HYDIN: variants seen among roughly 807,000 people sequenced by gnomAD.
HYDIN encodes axonemal central pair apparatus protein HYDIN.
In HYDIN, 132 loss-of-function variants were observed where a neutral mutation model predicts 403.9. The ratio of observed to expected loss-of-function variants is 0.33; its 90% CI spans 0.28 to 0.38. The LOEUF is 0.38. Ranked by LOEUF, HYDIN falls within the 10% of genes least tolerant of loss-of-function variation. HYDIN has a pLI of 1.00. For synonymous variants in HYDIN, 1,202 were observed against 1,891.7 expected, an observed-to-expected ratio of 0.64 and a Z score of 9.46; for missense variants, 2,827 against 5,009.5, an observed-to-expected ratio of 0.56 and a Z score of 13.15.
chr16:70,834,890 G>GTGTGTA (rs1555539424), intron 78 of HYDIN, among the ~76,000 whole-genome samples: 9 of 143,452 alleles, frequency 6.3e-5, no homozygotes, highest in African/African-American at 2.4e-4. Flanking sequence ...GTGTGTGTGT[G>GTGTGTA]TATATATATA....
intron 41 of HYDIN, among the ~76,000 whole-genome samples, chr16:70,944,385 A>G (rs1395908804): frequency 1.3e-5 from 2 of 152,256 alleles, no homozygotes; most frequent in African/African-American, 4.8e-5. Context: ...TAGGAAGGAA[A>G]TAACCAGGTA....
chr16:71,176,864 G>C (rs2086688634), intron 4 of HYDIN, among the ~76,000 whole-genome samples: 1 of 152,132 alleles, frequency 6.6e-6, no homozygotes, highest in African/African-American at 2.4e-5. Context: ...AACCTGACAG[G>C]CTCTATCTTT....
In HYDIN at chr16:70,850,567, C is replaced by T; in HGVS notation, c.12532G>A (p.Val4178Met). Reference sequence around the variant, plus strand: ...CCCTCGGCCTTGACATTTAATGTCACAGGGTGGACTTTCTTTTCCACATTG... The same window carrying T: ...CCCTCGGCCTTGACATTTAATGTCATAGGGTGGACTTTCTTTTCCACATTG... ...ICNVEKKVHP[V>M]TLNVKAEGYT... Residue 4178 changes from valine to methionine, a missense_variant, in exon 74 of 86, where the codon GTG (valine) becomes ATG (methionine). Coordinates refer to ENST00000393567, the MANE Select transcript of HYDIN (RefSeq NM_001270974.2). 6.2e-7 allele frequency: 1 copy of T among 1,613,624 alleles called. No individual in the cohort carries two copies. The highest frequency in any genetic ancestry group is 8.5e-7 in the Non-Finnish European group (1 of 1,179,858).
At chr16:70,913,407 T>G (rs1352072175) in intron 47 of HYDIN, among the ~76,000 whole-genome samples, 2 of 152,072 alleles carry the variant, frequency 1.3e-5, no homozygotes, top group East Asian at 3.8e-4. Context: ...GGGAGCAGGT[T>G]ATTTAATTTT....
chr16:70,807,470 G>C lies in HYDIN; in HGVS notation c.*110C>G, dbSNP rs1458375695. 1 of 1,239,792 alleles carries C rather than the reference G, an allele frequency of 8.1e-7. No homozygotes were observed. Among genetic ancestry groups the C allele is most frequent in the Admixed American group, 2.3e-5 (1 of 43,226 alleles). 76.8% of individuals were successfully genotyped at this position (1,239,792 alleles called of 1,614,324 possible). On this transcript the variant is annotated 3_prime_UTR_variant, in exon 86 of 86. Transcript: ENST00000393567. ...ATAGGGAAATAACTGCCCTATAATT[G>C]TATGAGAAGAATAAAAACAGTTCCT...
At position 71,110,310 on chromosome 16, in the gene HYDIN, TATAA is replaced by T. The variant is rs1274339393; in HGVS notation, c.1327+5382_1327+5385del. 5.2e-3 allele frequency among the ~76,000 whole-genome samples: 740 copies of T among 142,930 alleles called. 3 individuals carry two copies. Among genetic ancestry groups the T allele is most frequent in the African/African-American group, 0.018 (713 of 38,694 alleles). 93.8% of individuals were successfully genotyped at this position (142,930 alleles called of 152,430 possible). A position where few individuals can be genotyped will look rare whatever the true frequency, so the allele number is the denominator to read the frequency against. ...ATAGATATAATAAATATAATAAATA[TATAA>T]AAATTTATATCTAAATAAGTTATAT... On this transcript the variant is annotated intron_variant, in intron 10 of 85. Transcript: ENST00000393567.
chr16:70,888,299 G>A (rs1463809644), intron 58 of HYDIN, among the ~76,000 whole-genome samples: 1 of 152,240 alleles, frequency 6.6e-6, no homozygotes, highest in East Asian at 1.9e-4. Context: ...CATTTTGGGT[G>A]TTATGCTATG....
At chr16:70,831,187 A>T (rs2036957428) in intron 80 of HYDIN, among the ~76,000 whole-genome samples, 1 of 151,730 alleles carries the variant, frequency 6.6e-6, no homozygotes, top group Admixed American at 6.6e-5. Context: ...TCTAAGGACT[A>T]GTTCTTGACT....
intron 12 of HYDIN, among the ~76,000 whole-genome samples, chr16:71,082,164 G>A (rs577055107): frequency 2.6e-5 from 4 of 152,038 alleles, no homozygotes; most frequent in South Asian, 2.1e-4. Flanking sequence ...CCTGGGCTAC[G>A]AGGCCCAAGA....
At chr16:70,895,711 AGAG>A (rs1179139213) in intron 54 of HYDIN, among the ~76,000 whole-genome samples, 1 of 151,740 alleles carries the variant, frequency 6.6e-6, no homozygotes, top group African/African-American at 2.4e-5. Flanking sequence ...AATACAGGAA[AGAG>A]GAGAGGTGTT....
Position 70,806,115 on chromosome 16 carries a change from A to G in HYDIN, c.*1465T>C, listed in dbSNP as rs966243621. On this transcript the variant is annotated 3_prime_UTR_variant, in exon 86 of 86. Transcript: ENST00000393567. The stretch of plus-strand genomic sequence containing the variant: ...TTTAGTTTAATAATGGCCCCAAAGC[A>G]CATGGGTAGTGATGCTGGCATATTA... Among the ~76,000 whole-genome samples, 2 of 152,260 alleles carry G rather than the reference A, an allele frequency of 1.3e-5. No individual in the cohort carries two copies. Among genetic ancestry groups the G allele is most frequent in the African/African-American group, 4.8e-5 (2 of 41,468 alleles).
At chr16:70,831,529 C>CAAAAAAAAAAAAAAAAAAAAAAAAACA (rs57465488) in intron 80 of HYDIN, among the ~76,000 whole-genome samples, 2 of 91,544 alleles carry the variant, frequency 2.2e-5, no homozygotes, top group Non-Finnish European at 4.6e-5. Context: ...AAAAAAAAAC[C>CAAAAAAAAAAAAAAAAAAAAAAAAACA]AAAAAAAAAA....
intron 50 of HYDIN, among the ~76,000 whole-genome samples, chr16:70,905,887 C>T (rs1046970761): frequency 9.5e-4 from 144 of 151,720 alleles, no homozygotes; most frequent in Middle Eastern, 3.4e-3. Context: ...CTCCTAAGCC[C>T]TCCTGTCTGG....
intron 45 of HYDIN, among the ~76,000 whole-genome samples, chr16:70,930,847 A>T (rs1049958577): frequency 3.3e-5 from 5 of 152,240 alleles, no homozygotes. Flanking sequence ...CAGAGTCTGC[A>T]ACATAACATT....
chr16:71,105,272 CAG>C (rs1161385681), intron 10 of HYDIN, among the ~76,000 whole-genome samples: 1 of 151,252 alleles, frequency 6.6e-6, no homozygotes, highest in Non-Finnish European at 1.5e-5. Context: ...CAGAAATGTG[CAG>C]AGACATTTAA....
chr16:71,158,678 G>GT (rs2085880459), intron 6 of HYDIN, among the ~76,000 whole-genome samples: 2 of 144,542 alleles, frequency 1.4e-5, no homozygotes, highest in South Asian at 2.2e-4. Flanking sequence ...TGAAAAAGAT[G>GT]GTTTTTTTTT....
chr16:71,002,731 G>C (rs1597510538), intron 23 of HYDIN, among the ~76,000 whole-genome samples: 1 of 148,758 alleles, frequency 6.7e-6, no homozygotes, highest in African/African-American at 2.5e-5. Context: ...AGGCTGGAGT[G>C]CAGTGACACA....
chr16:70,964,495 T>A (rs2078513192), intron 37 of HYDIN, among the ~76,000 whole-genome samples: 2 of 151,612 alleles, frequency 1.3e-5, no homozygotes, highest in Admixed American at 6.6e-5. Flanking sequence ...TGTTTTTAGG[T>A]CATACTACCC....
intron 1 of HYDIN, among the ~76,000 whole-genome samples, chr16:71,223,368 A>G (rs1034105808): frequency 1.3e-5 from 2 of 152,218 alleles, no homozygotes; most frequent in Non-Finnish European, 2.9e-5. Flanking sequence ...AACCATAAAA[A>G]TCCTAGAAGA....
Sources: gnomAD v4.1 joint callset for allele counts (sites outside exome capture counted in the v4.1 genomes callset) on GRCh38, gnomAD v4.1.1 for gene constraint, MANE v1.5 for transcripts, NCBI Gene and HGNC (gene_info 2026-07-23, HGNC 2026-07-21) for gene names.